The following SLC16A5 variants were observed in gnomAD, a reference collection of about 807,000 sequenced individuals.
SLC16A5 encodes monocarboxylate transporter 6.
In SLC16A5, 29 loss-of-function variants were observed where a neutral mutation model predicts 33.2. That is an observed-to-expected ratio of 0.87 (90% confidence interval 0.65 to 1.19). SLC16A5 has a LOEUF of 1.19. SLC16A5 is among the 50% of genes most tolerant of loss of function. The pLI is 0.00. For synonymous variants in SLC16A5, 248 were observed against 284.1 expected (o/e 0.87, Z 1.28); for missense variants, 606 against 678.2 (o/e 0.89, Z 1.18).
chr17:75,095,090 G>A (rs1015477911), intron 3 of SLC16A5, among the ~76,000 whole-genome samples: 11 of 152,174 alleles, frequency 7.2e-5, no homozygotes, highest in Non-Finnish European at 1.2e-4. Flanking sequence ...CCATCTCCCC[G>A]GCTACCTCCT....
At chr17:75,109,225 G>A (rs2073886983), downstream of SLC16A5, among the ~76,000 whole-genome samples, 1 of 152,150 alleles carries the variant, frequency 6.6e-6, no homozygotes, top group South Asian at 2.1e-4. This position sits in a 1 kb window ranked among gnomAD's most constrained non-coding sequence, Gnocchi z 5.0. Context: ...TCCTCCTCGG[G>A]CTCCCCCGTG....
intron 1 of SLC16A5, chr17:75,088,860 G>C (rs2144975268): frequency 6.6e-6 from 1 of 152,362 alleles, no homozygotes; most frequent in Non-Finnish European, 1.5e-5. Flanking sequence ...AGGGCCTAGT[G>C]AGGCCCCTGT....
Position 75,100,064 on chromosome 17 carries a change from T to C in SLC16A5, c.401T>C (p.Val134Ala). Reference protein sequence around the residue: ...SSITVLGFYFVRRRVLANALA... With the variant: ...SSITVLGFYFARRRVLANALA... ...ATCACGGTGCTGGGCTTCTACTTTG[T>C]CCGCCGGCGGGTGCTGGCCAACGCG... Residue 134 changes from valine (V) to alanine (A), a missense_variant, in exon 5 of 7, where the codon GTC becomes GCC. Val to Ala is a moderately conservative substitution (Grantham distance 64, BLOSUM62 0). Transcript: ENST00000329783. 1 of 1,613,590 alleles carries C rather than the reference T, an allele frequency of 6.2e-7. No individual in the cohort carries two copies. Among genetic ancestry groups the C allele is most frequent in the Non-Finnish European group, 8.5e-7 (1 of 1,180,012 alleles).
chr17:75,106,264 T>TA (rs2073861875), downstream of SLC16A5: 1 of 351,120 alleles, frequency 2.8e-6, no homozygotes, highest in Non-Finnish European at 5.2e-6. Context: ...CACCCAGTCT[T>TA]ACACTTGGCT....
At chr17:75,104,748 C>A (rs2073842707) in intron 6 of SLC16A5, 2 of 985,208 alleles carry the variant, frequency 2.0e-6, no homozygotes, top group South Asian at 9.4e-5. Context: ...CCGTGCCCAG[C>A]CAGAGGAACC....
intron 6 of SLC16A5, chr17:75,104,387 C>T: frequency 2.9e-6 from 4 of 1,356,044 alleles, no homozygotes; most frequent in Admixed American, 3.2e-5. Flanking sequence ...ACTTTGGAGG[C>T]TGGCCTCTGA....
intron 2 of SLC16A5, among the ~76,000 whole-genome samples, chr17:75,092,124 T>G (rs926025688): frequency 6.6e-6 from 1 of 152,088 alleles, no homozygotes; most frequent in East Asian, 1.9e-4. Flanking sequence ...ACTCTGAGCA[T>G]GTATGCATGT....
At chr17:75,092,913 A>C (rs577060693) in intron 2 of SLC16A5, among the ~76,000 whole-genome samples, 30 of 151,372 alleles carry the variant, frequency 2.0e-4, no homozygotes, top group Non-Finnish European at 3.5e-4. Context: ...GCTCTGTTTG[A>C]AAGGAGTGTT....
downstream of SLC16A5, among the ~76,000 whole-genome samples, chr17:75,108,876 TC>T (rs1312284062): frequency 2.0e-5 from 3 of 152,058 alleles, no homozygotes; most frequent in Non-Finnish European, 2.9e-5. Flanking sequence ...TTTTGCAGAG[TC>T]TTTGTGATAG....
chr17:75,101,876 C>G (rs2145063254), intron 5 of SLC16A5, among the ~76,000 whole-genome samples: 1 of 152,216 alleles, frequency 6.6e-6, no homozygotes, highest in East Asian at 1.9e-4. Flanking sequence ...CTCAAGTGAT[C>G]TGCCTCCCTC....
chr17:75,106,550 T>A (rs2073864902), downstream of SLC16A5, among the ~76,000 whole-genome samples: 1 of 148,868 alleles, frequency 6.7e-6, no homozygotes, highest in Non-Finnish European at 1.5e-5. Flanking sequence ...CCTGGGAGTT[T>A]GAGGCCAGCC....
chr17:75,105,412 G>A (rs2073850852), intron 6 of SLC16A5: 2 of 985,320 alleles, frequency 2.0e-6, no homozygotes, highest in Admixed American at 1.2e-4. Flanking sequence ...CTTTTGCAAG[G>A]GAAGCTCTTT....
At position 75,100,473 on chromosome 17, in the gene SLC16A5, G is replaced by A. The variant is rs772452657; in HGVS notation, c.810G>A (p.Glu270=). Residue 270 remains glutamate (E), a synonymous_variant, in exon 5 of 7, where the codon GAG becomes GAA. Coordinates refer to ENST00000329783, the MANE Select transcript of SLC16A5 (RefSeq NM_004695.4). Reference sequence around the variant, plus strand: ...ATGCCATGTGGCACAGCGTGGACGAGCAGCAGGCAGCCCTCCTCATCTCCA... The same window carrying A: ...ATGCCATGTGGCACAGCGTGGACGAACAGCAGGCAGCCCTCCTCATCTCCA... ...VPYAMWHSVD[E]QQAALLISII... 133 of 1,614,102 alleles carry A rather than the reference G, an allele frequency of 8.2e-5. 1 individual carries two copies. The East Asian group carries it at 3.0e-3, about 36-fold the overall frequency.
chr17:75,099,301 G>A (rs8073461), intron 4 of SLC16A5, among the ~76,000 whole-genome samples: 6,194 of 152,254 alleles, frequency 0.041, 177 homozygotes, highest in African/African-American at 0.085. Flanking sequence ...TCTGAGAGGC[G>A]GGCTGGAGCC....
At chr17:75,093,056 AC>A (rs1370916536) in intron 2 of SLC16A5, among the ~76,000 whole-genome samples, 7 of 152,132 alleles carry the variant, frequency 4.6e-5, no homozygotes, top group African/African-American at 1.7e-4. Context: ...TGCTCCTAGC[AC>A]CGGCCTGCTC....
intron 6 of SLC16A5, 45 bp from the exon 7 acceptor site, chr17:75,105,835 G>T (rs768121231): frequency 1.5e-5 from 22 of 1,512,868 alleles, no homozygotes; most frequent in Admixed American, 2.1e-5. Flanking sequence ...GCTCAACCAG[G>T]CTCCGCAAGA....
chr17:75,087,774 G>C (rs2073587212), upstream of SLC16A5: 2 of 152,422 alleles, frequency 1.3e-5, no homozygotes, highest in African/African-American at 4.8e-5. Flanking sequence ...CAGACACACG[G>C]ATATCCCGTG....
chr17:75,098,824 G>T (rs1343737226), intron 4 of SLC16A5, among the ~76,000 whole-genome samples: 2 of 152,152 alleles, frequency 1.3e-5, no homozygotes, highest in Non-Finnish European at 2.9e-5. Flanking sequence ...GAGGATGCAG[G>T]GCAGAAGGGA....
At chr17:75,092,442 C>T (rs141724531) in intron 2 of SLC16A5, among the ~76,000 whole-genome samples, 7,157 of 151,414 alleles carry the variant, frequency 0.047, 294 homozygotes, top group African/African-American at 0.11. Flanking sequence ...CTGCAACCTC[C>T]GCCTCCTGGG....
Sources: gnomAD v4.1 joint callset for allele counts (sites outside exome capture counted in the v4.1 genomes callset) on GRCh38, gnomAD v4.1.1 for gene constraint, Gnocchi (gnomAD v3.1) non-coding constraint, MANE v1.5 for transcripts, NCBI Gene and HGNC (gene_info 2026-07-23, HGNC 2026-07-21) for gene names.